VPS51: variants seen among roughly 807,000 people sequenced by gnomAD.
VPS51 encodes vacuolar protein sorting-associated protein 51 homolog.
In VPS51, 55 loss-of-function variants were observed where a neutral mutation model predicts 65.1. The ratio of observed to expected loss-of-function variants is 0.84; its 90% CI spans 0.68 to 1.06. The LOEUF is 1.06. VPS51 is among the 50% of genes least tolerant of loss of function. The pLI is 0.00. For synonymous variants in VPS51, 473 were observed against 489.5 expected, an observed-to-expected ratio of 0.97 and a Z score of 0.44; for missense variants, 943 against 1,101.6, an observed-to-expected ratio of 0.86 and a Z score of 2.04.
chr11:65,105,103 C>T (rs1416610912), intron 2 of VPS51, among the ~76,000 whole-genome samples: 3 of 152,160 alleles, frequency 2.0e-5, no homozygotes, highest in Non-Finnish European at 4.4e-5. Flanking sequence ...AATTGGTTAA[C>T]AATGAGGTTT....
intron 6 of VPS51, 46 bp downstream of exon 6, chr11:65,109,541 A>G: frequency 1.3e-6 from 2 of 1,596,350 alleles, no homozygotes; most frequent in Non-Finnish European, 1.7e-6. Context: ...GTTGCTGGGA[A>G]TGCAGATGGC....
Position 65,108,703 on chromosome 11 carries a change from T to G in VPS51, c.1232T>G (p.Leu411Arg). 1 of 1,604,134 alleles carries G rather than the reference T, an allele frequency of 6.2e-7. No homozygotes were observed. Among genetic ancestry groups the G allele is most frequent in the Non-Finnish European group, 8.5e-7 (1 of 1,177,846 alleles). The change falls in exon 5 of 10, where the codon CTG becomes CGG. Residue 411 changes from leucine (L) to arginine (R), a missense_variant. Coordinates refer to ENST00000279281, the MANE Select transcript of VPS51 (RefSeq NM_013265.4). ...RVARERLGHH[L>R]QGLRAAFLGC... ...GCCCGCGAGCGCCTGGGCCACCACC[T>G]GCAGGGTCTCCGGGCGGCCTTCCTG...
At chr11:65,110,235 G>C (rs972154916) in intron 7 of VPS51, 1 of 663,146 alleles carries the variant, frequency 1.5e-6, no homozygotes, top group African/African-American at 1.8e-5. Flanking sequence ...GGGTTACCCA[G>C]GAAGTCAGGG....
intron 2 of VPS51, among the ~76,000 whole-genome samples, chr11:65,098,826 G>C (rs942103857): frequency 1.3e-5 from 2 of 152,148 alleles, no homozygotes; most frequent in Non-Finnish European, 2.9e-5. Flanking sequence ...AGCTCTTTTT[G>C]TACATCCCAC....
chr11:65,106,331 C>T (rs1227847908), intron 2 of VPS51, among the ~76,000 whole-genome samples: 3 of 152,222 alleles, frequency 2.0e-5, no homozygotes, highest in African/African-American at 7.2e-5. Flanking sequence ...TCACAGTTCA[C>T]AGCATGGCTG....
intron 5 of VPS51, 74 bp downstream of exon 5, chr11:65,108,988 G>A: frequency 6.6e-7 from 1 of 1,522,394 alleles, no homozygotes; most frequent in Non-Finnish European, 9.1e-7. Flanking sequence ...CAGTGCTTGG[G>A]AAACTGGGGA....
At position 65,107,600 on chromosome 11, in the gene VPS51, GAAC is replaced by G; in HGVS notation, c.379_381del (p.Asn127del). ...TCCTAGACACCATCCGGAAGATGAAGAACGATTTCCGGAAGATGGAGGATGAGA... is the reference window on the plus strand; with the variant it reads ...TCCTAGACACCATCCGGAAGATGAAGGATTTCCGGAAGATGGAGGATGAGA... On this transcript the variant is annotated inframe_deletion, in exon 3 of 10. Coordinates refer to ENST00000279281, the MANE Select transcript of VPS51 (RefSeq NM_013265.4). This position sits in a 1 kb window ranked among gnomAD's most constrained non-coding sequence, Gnocchi z 4.0. 1 of 1,595,210 alleles carries G rather than the reference GAAC, an allele frequency of 6.3e-7. No individual in the cohort carries two copies. Among genetic ancestry groups the G allele is most frequent in the Non-Finnish European group, 8.6e-7 (1 of 1,164,910 alleles).
Position 65,108,016 on chromosome 11 carries a change from G to A in VPS51, c.719G>A (p.Arg240His), listed in dbSNP as rs770562565. 244 of 1,523,858 alleles carry A rather than the reference G, an allele frequency of 1.6e-4. No homozygotes were observed. The highest frequency in any genetic ancestry group is 2.0e-4 in the Non-Finnish European group (222 of 1,137,356). 94.4% of individuals were successfully genotyped at this position (1,523,858 alleles called of 1,614,324 possible). ...TARLAQQLRQ[R>H]FREGGSGAPE... is the part of the protein sequence containing the mutation. ...CGCCTGGCCCAGCAGCTGCGGCAGCGCTTTAGGTGTGGCCCCTCTGCCCTG... is the reference window on the plus strand; with the variant it reads ...CGCCTGGCCCAGCAGCTGCGGCAGCACTTTAGGTGTGGCCCCTCTGCCCTG... The change falls in exon 4 of 10, where the codon CGC becomes CAC. Residue 240 changes from arginine (R) to histidine (H), a missense_variant. Physicochemically the swap from Arg to His is conservative, Grantham distance 29. This residue lies in a region of VPS51 where 855 missense variants were observed against 953.7 expected (regional missense o/e 0.90). Coordinates refer to ENST00000279281, the MANE Select transcript of VPS51 (RefSeq NM_013265.4).
At chr11:65,111,195 T>C (rs71468690) in intron 9 of VPS51, 132 bp from the exon 10 acceptor site, 15,894 of 1,361,450 alleles carry the variant, frequency 0.012, 139 homozygotes, top group Non-Finnish European at 0.015. Flanking sequence ...TCCCTTCTTA[T>C]CTGGCCCCGG....
At chr11:65,100,233 A>G (rs1947799197) in intron 2 of VPS51, among the ~76,000 whole-genome samples, 2 of 152,250 alleles carry the variant, frequency 1.3e-5, no homozygotes, top group East Asian at 1.9e-4. Context: ...CTCAGGGCTA[A>G]AAAGACAAAT....
At chr11:65,104,287 G>T (rs1318163889) in intron 2 of VPS51, among the ~76,000 whole-genome samples, 1 of 152,070 alleles carries the variant, frequency 6.6e-6, no homozygotes, top group South Asian at 2.1e-4. Flanking sequence ...TCCAATTTGT[G>T]TATCTCCATA....
rs1197338811 is a variant in VPS51, at chr11:65,110,578, C to T, written c.1975C>T (p.Arg659Cys). Residue 659 changes from arginine to cysteine, a missense_variant, in exon 8 of 10, where the codon CGC becomes TGC. By Grantham distance (180) the Arg-to-Cys change is radical (BLOSUM62 -3). Coordinates refer to ENST00000279281, the MANE Select transcript of VPS51 (RefSeq NM_013265.4). ...SVYSSSRQQG[R>C]YAPSYTPSAP... ...GTACAGCAGCTCTCGGCAGCAGGGC[C>T]GCTACGCCCCCAGCTATACCCCCAG... 2 of 1,613,886 alleles carry T rather than the reference C, an allele frequency of 1.2e-6. No homozygotes were observed. The highest frequency in any genetic ancestry group is 1.3e-5 in the African/African-American group (1 of 74,916).
rs918647215 is a variant in VPS51, at chr11:65,111,782, C to G, written c.*195C>G. Reference sequence around the variant, plus strand: ...GGCTTCTGAGGCGCCCGCGTCGGGTCCGCCCCCGAGCGCCGATTGGCTGGT... The same window carrying G: ...GGCTTCTGAGGCGCCCGCGTCGGGTGCGCCCCCGAGCGCCGATTGGCTGGT... On this transcript the variant is annotated 3_prime_UTR_variant, in exon 10 of 10. Transcript: ENST00000279281. 1.8e-6 allele frequency: 2 copies of G among 1,091,184 alleles called. No homozygotes were observed. The highest frequency in any genetic ancestry group is 3.2e-5 in the African/African-American group (2 of 63,108). 67.6% of individuals were successfully genotyped at this position (1,091,184 alleles called of 1,614,324 possible).
intron 1 of VPS51, 139 bp from the exon 2 acceptor site, chr11:65,096,859 G>C (rs1462980126): frequency 1.5e-6 from 2 of 1,345,348 alleles, no homozygotes; most frequent in Non-Finnish European, 2.0e-6. Flanking sequence ...CCCCCTGCCT[G>C]GGATTCCTGA....
chr11:65,103,015 G>A (rs1947819710), intron 2 of VPS51, among the ~76,000 whole-genome samples: 1 of 152,212 alleles, frequency 6.6e-6, no homozygotes, highest in Admixed American at 6.5e-5. Flanking sequence ...TTAGCCGGGT[G>A]TGATGGCGCT....
At chr11:65,110,857 G>A in intron 9 of VPS51, 76 bp downstream of exon 9, 1 of 1,572,490 alleles carries the variant, frequency 6.4e-7, no homozygotes, top group African/African-American at 1.3e-5. Context: ...ACCTGCCCAA[G>A]GAGCCCCAGG....
rs1947868032 is a variant in VPS51, at chr11:65,109,050, G to A, written c.1443+136G>A. On this transcript the variant is annotated intron_variant, in intron 5 of 9. Transcript: ENST00000279281. ...GGTTCTTATGCACGGTCTGGGGGGT[G>A]GGGAAGGCTCAGGGCATCTGCAGCT... The A allele has an allele frequency of 4.2e-6, 5 of 1,193,222 alleles. No individual in the cohort carries two copies. The East Asian group carries it at 7.0e-5, about 17-fold the overall frequency. The allele number at this position is 1,193,222 out of a possible 1,614,324, so 73.9% of individuals were successfully genotyped here.
At chr11:65,111,222 C>T (rs1292909463) in intron 9 of VPS51, 105 bp from the exon 10 acceptor site, 3 of 1,528,264 alleles carry the variant, frequency 2.0e-6, no homozygotes, top group Admixed American at 3.7e-5. Flanking sequence ...TCTGCCTCAT[C>T]CCAGCTACTT....
intron 1 of VPS51, 146 bp downstream of exon 1, chr11:65,096,624 G>A (rs898696779): frequency 2.2e-5 from 16 of 740,004 alleles, no homozygotes; most frequent in East Asian, 2.8e-5. Context: ...CGGCCAGGGA[G>A]TACGAGCAGC....
Sources: allele counts gnomAD v4.1 joint callset (sites outside exome capture counted in the v4.1 genomes callset), GRCh38; gene constraint gnomAD v4.1.1; regional missense constraint gnomAD v4.1.1; non-coding constraint Gnocchi (gnomAD v3.1); transcripts MANE v1.5; gene names NCBI Gene and HGNC (gene_info 2026-07-23, HGNC 2026-07-21).